Variants in LIPA observed in about 807,000 individuals in gnomAD.
LIPA encodes the protein lipase A, lysosomal acid type, also known as lysosomal acid lipase/cholesteryl ester hydrolase.
In LIPA, 26 loss-of-function variants were observed where a neutral mutation model predicts 40.6. The ratio of observed to expected loss-of-function variants is 0.64; its 90% CI spans 0.47 to 0.89. The LOEUF (loss-of-function observed/expected upper bound fraction) is 0.89. LIPA is among the 40% of genes least tolerant of loss of function. LIPA has a pLI of 0.00. For missense variants in LIPA, 455 were observed against 479.6 expected, an observed-to-expected ratio of 0.95 and a Z score of 0.48; for synonymous variants, 188 against 168.4, an observed-to-expected ratio of 1.12 and a Z score of -0.90.
In LIPA at chr10:89,245,662, G is replaced by C. The variant is rs1384609335; in HGVS notation, c.229+14C>G. On this transcript the variant is annotated intron_variant, in intron 3 of 9. Coordinates refer to ENST00000336233, the MANE Select transcript of LIPA (RefSeq NM_000235.4). ...GAAGAATTCTGGTTTTTACTTTTAA[G>C]AGCCTTCCCATACCTTTGTCAGAAT... is the stretch of plus-strand genomic sequence containing the variant. 7.5e-7 allele frequency: 1 copy of C among 1,330,390 alleles called. No homozygotes were observed. The highest frequency in any genetic ancestry group is 1.4e-5 in the African/African-American group (1 of 69,534). The allele number at this position is 1,330,390 out of a possible 1,614,324, so 82.4% of individuals were successfully genotyped here. A position where few individuals can be genotyped will look rare whatever the true frequency, so the allele number is the denominator to read the frequency against.
intron 2 of LIPA, among the ~76,000 whole-genome samples, chr10:89,377,791 C>T (rs1320257332): frequency 6.6e-6 from 1 of 152,194 alleles, no homozygotes; most frequent in Non-Finnish European, 1.5e-5. Context: ...GGTTTTTCCA[C>T]AACACTGAAT....
chr10:89,316,264 G>T (rs924520197), intron 1 of LIPA, among the ~76,000 whole-genome samples: 1 of 152,192 alleles, frequency 6.6e-6, no homozygotes, highest in Non-Finnish European at 1.5e-5. Flanking sequence ...AAAGCAGGGC[G>T]GGGCATCGCC....
intron 2 of LIPA, chr10:89,385,312 T>G (rs2133605930): frequency 6.6e-6 from 1 of 152,526 alleles, no homozygotes; most frequent in Non-Finnish European, 1.5e-5. Flanking sequence ...TAACACATAC[T>G]CTATTGCCTG....
chr10:89,256,453 G>A (rs1285995661), upstream of LIPA, among the ~76,000 whole-genome samples: 1 of 152,212 alleles, frequency 6.6e-6, no homozygotes, highest in Non-Finnish European at 1.5e-5. Context: ...GAGGTTGGAG[G>A]AGAAATGAGT....
At chr10:89,360,390 G>T (rs1564799468) in intron 2 of LIPA, among the ~76,000 whole-genome samples, 2 of 152,146 alleles carry the variant, frequency 1.3e-5, no homozygotes, top group Non-Finnish European at 2.9e-5. Context: ...TTATTCATTA[G>T]CCAAAGGGGT....
intron 2 of LIPA, among the ~76,000 whole-genome samples, chr10:89,394,896 G>A (rs11818573): frequency 0.018 from 2,763 of 151,826 alleles, 96 homozygotes; most frequent in African/African-American, 0.062. Context: ...TGTCTCTATG[G>A]ATTTGCCTAT....
intron 1 of LIPA, chr10:89,278,227 G>T (rs1322784809): frequency 6.6e-6 from 1 of 152,166 alleles, no homozygotes; most frequent in Non-Finnish European, 1.5e-5. Flanking sequence ...CAGTTCTAAT[G>T]ATTTCATACT....
chr10:89,407,945 A>G (rs1841437402), intron 2 of LIPA, among the ~76,000 whole-genome samples: 1 of 152,214 alleles, frequency 6.6e-6, no homozygotes, highest in Admixed American at 6.5e-5. Context: ...TCCAATCAGC[A>G]GGGTCCAGGG....
In LIPA at chr10:89,232,824, G is replaced by T. The variant is rs61255285; in HGVS notation, c.230-4426C>A. Among the ~76,000 whole-genome samples, 488 of 152,314 alleles carry T rather than the reference G, an allele frequency of 3.2e-3. 1 individual carries two copies. Among genetic ancestry groups the T allele is most frequent in the African/African-American group, 0.01 (423 of 41,568 alleles). The stretch of plus-strand genomic sequence containing the variant: ...GAAATGTGGAAGCTGACAAGTTGAA[G>T]ATACATCAGGAAAGTCTTTAAACAT... On this transcript the variant is annotated intron_variant, in intron 3 of 9. Coordinates refer to ENST00000336233, the MANE Select transcript of LIPA (RefSeq NM_000235.4).
intron 1 of LIPA, among the ~76,000 whole-genome samples, chr10:89,331,463 G>A (rs1372261216): frequency 3.9e-5 from 6 of 152,158 alleles, no homozygotes; most frequent in East Asian, 1.9e-4. Context: ...GTGAGCCTCC[G>A]TGCCTGGCCA....
intron 2 of LIPA, among the ~76,000 whole-genome samples, chr10:89,374,509 G>A (rs1286380093): frequency 2.0e-5 from 3 of 152,134 alleles, no homozygotes; most frequent in Admixed American, 6.5e-5. Context: ...CAAATTCAGT[G>A]ACCACATGAC....
chr10:89,261,191 A>G (rs1264440878), intron 1 of LIPA, among the ~76,000 whole-genome samples: 1 of 152,244 alleles, frequency 6.6e-6, no homozygotes, highest in African/African-American at 2.4e-5. Context: ...TGCCTAGTCC[A>G]GAAGTCATAG....
At chr10:89,307,291 A>G (rs1253728882) in intron 1 of LIPA, 1 of 1,613,854 alleles carries the variant, frequency 6.2e-7, no homozygotes, top group Non-Finnish European at 8.5e-7. Context: ...TGAATGAAAA[A>G]ATGCAACAAG....
At chr10:89,345,767 G>A (rs11203081), upstream of LIPA, among the ~76,000 whole-genome samples, 10,529 of 152,170 alleles carry the variant, frequency 0.069, 915 homozygotes, top group African/African-American at 0.2. Flanking sequence ...CAGAAAAACA[G>A]TGAGATGGAA....
chr10:89,230,778 G>A lies in LIPA; in HGVS notation c.230-2380C>T, dbSNP rs758580349. On this transcript the variant is annotated intron_variant, in intron 3 of 9. Coordinates refer to ENST00000336233, the MANE Select transcript of LIPA (RefSeq NM_000235.4). ...TGAGATATGAGATATTATATGAAAA[G>A]TAGGTAGCAAAGAGTCTGACACACA... Among the ~76,000 whole-genome samples, 5 of 152,192 alleles carry A rather than the reference G, an allele frequency of 3.3e-5. 1 individual carries two copies. The highest frequency in any genetic ancestry group is 4.1e-4 in the South Asian group (2 of 4,830).
chr10:89,338,809 A>G (rs1843792083), intron 1 of LIPA: 15 of 1,614,066 alleles, frequency 9.3e-6, no homozygotes, highest in African/African-American at 1.3e-5. Flanking sequence ...GTTCAAAGCT[A>G]CAATGTACAA....
At chr10:89,271,174 G>A (rs1843264013) in intron 1 of LIPA, among the ~76,000 whole-genome samples, 1 of 152,182 alleles carries the variant, frequency 6.6e-6, no homozygotes, top group Admixed American at 6.5e-5. Flanking sequence ...CCAGTTGACT[G>A]AGGAAGAGAC....
intron 1 of LIPA, among the ~76,000 whole-genome samples, chr10:89,289,708 C>T (rs1379866139): frequency 6.6e-6 from 1 of 152,182 alleles, no homozygotes; most frequent in Non-Finnish European, 1.5e-5. Flanking sequence ...TTACCTCAAA[C>T]TGCCACCCTT....
At chr10:89,378,012 A>T (rs1844134774) in intron 2 of LIPA, 5 of 993,058 alleles carry the variant, frequency 5.0e-6, no homozygotes, top group Non-Finnish European at 7.8e-6. Context: ...AACTGCCTGG[A>T]TATACCTCCC....
Sources: allele counts gnomAD v4.1 joint callset (sites outside exome capture counted in the v4.1 genomes callset), GRCh38; gene constraint gnomAD v4.1.1; transcripts MANE v1.5; gene names NCBI Gene and HGNC (gene_info 2026-07-23, HGNC 2026-07-21).